Variants in STAG3 observed in about 807,000 individuals in gnomAD.
STAG3 encodes the protein cohesin subunit SA-3.
Under a neutral mutation model 160.7 loss-of-function variants are expected in STAG3, and 101 were observed. The observed-to-expected ratio is 0.63, with a 90% CI of 0.54 to 0.74. The LOEUF (loss-of-function observed/expected upper bound fraction) is 0.74. Ranked by LOEUF, STAG3 falls within the 30% of genes least tolerant of loss-of-function variation. STAG3 has a pLI of 0.00. For synonymous variants in STAG3, 519 were observed against 585.0 expected, an observed-to-expected ratio of 0.89 and a Z score of 1.63; for missense variants, 1,188 against 1,517.4, an observed-to-expected ratio of 0.78 and a Z score of 3.61.
In STAG3 at chr7:100,197,704, T is replaced by A. The variant is rs929964482; in HGVS notation, c.1066-74T>A. Reference sequence around the variant, plus strand: ...TAGAATGAGGGATCGGAGAGGGGAGTCTGGAGGCTTAGTAGGGGCGAGTAG... The same window carrying A: ...TAGAATGAGGGATCGGAGAGGGGAGACTGGAGGCTTAGTAGGGGCGAGTAG... On this transcript the variant is annotated intron_variant, in intron 10 of 33. Transcript: ENST00000615138. 23 of 1,186,296 alleles carry A rather than the reference T, an allele frequency of 1.9e-5. No individual in the cohort carries two copies. In the Admixed American group the frequency reaches 3.9e-4, roughly 20 times the overall value. The allele number at this position is 1,186,296 out of a possible 1,614,324, so 73.5% of individuals were successfully genotyped here. A position where few individuals can be genotyped will look rare whatever the true frequency, so the allele number is the denominator to read the frequency against.
intron 3 of STAG3, 57 bp from the exon 4 acceptor site, chr7:100,182,666 G>A: frequency 4.4e-6 from 7 of 1,589,360 alleles, no homozygotes; most frequent in Non-Finnish European, 4.3e-6. Context: ...AAGCGTTAAT[G>A]TCACTGTTAC....
intron 32 of STAG3, 30 bp downstream of exon 32, chr7:100,211,906 A>C: frequency 6.2e-7 from 1 of 1,605,184 alleles, no homozygotes; most frequent in Non-Finnish European, 8.5e-7. Context: ...CTTCTCTCTC[A>C]AGAACTAGGG....
At chr7:100,182,285 G>C in intron 3 of STAG3, 93 bp downstream of exon 3, 2 of 911,032 alleles carry the variant, frequency 2.2e-6, no homozygotes, top group Admixed American at 4.1e-5. Flanking sequence ...CGTGAACCCA[G>C]GGGGCAGAGC....
At chr7:100,205,501 TC>T (rs1442280435) in intron 29 of STAG3, 117 bp downstream of exon 29, 1 of 1,096,684 alleles carries the variant, frequency 9.1e-7, no homozygotes, top group Non-Finnish European at 1.3e-6. Context: ...TTAATTTCTT[TC>T]AAGGTTTATC....
intron 1 of STAG3, among the ~76,000 whole-genome samples, chr7:100,178,551 G>T (rs1799423189): frequency 6.7e-6 from 1 of 149,270 alleles, no homozygotes; most frequent in Non-Finnish European, 1.5e-5. Context: ...GTCTGAAGCT[G>T]CCCTGCTGTC....
rs188438097 is a variant in STAG3 at position 100,193,331 on chromosome 7, C to T, written c.868-1978C>T. Among the ~76,000 whole-genome samples the T allele has an allele frequency of 3.2e-3, 487 of 152,328 alleles. 2 individuals carry two copies. The highest frequency in any genetic ancestry group is 0.011 in the African/African-American group (467 of 41,566). On this transcript the variant is annotated intron_variant, in intron 8 of 33. Transcript: ENST00000615138. ...ATTGGCTTCAACTTAAAGTCAGCAA[C>T]TGCATTAGCCCCTAACGAGGAGTCA...
rs764202454 is a variant in STAG3, at chr7:100,200,360, A to G, written c.1770+32A>G. On this transcript the variant is annotated intron_variant, in intron 17 of 33. Coordinates refer to ENST00000615138, the MANE Select transcript of STAG3 (RefSeq NM_001282717.2). ...CTGCCCCTCCACTCTGCATCACACC[A>G]AGAGAAGTGAAAGGAAATGGCCTCT... The G allele has an allele frequency of 4.3e-6, 7 of 1,613,110 alleles. No individual in the cohort carries two copies. In the South Asian group the frequency reaches 5.5e-5, roughly 13 times the overall value.
intron 4 of STAG3, among the ~76,000 whole-genome samples, chr7:100,184,118 T>C (rs924700194): frequency 1.3e-5 from 2 of 152,108 alleles, no homozygotes; most frequent in African/African-American, 4.8e-5. Flanking sequence ...ATACAAAAAT[T>C]AGCTGCATGT....
chr7:100,211,015 T>C lies in STAG3; in HGVS notation c.3243T>C (p.Pro1081=). The change falls in exon 30 of 34, where the codon CCT becomes CCC. Residue 1081 remains proline, a synonymous_variant. Transcript: ENST00000615138. ...PSSKRRRVEG[P]AKPNREDVSS... ...ATGTATGCATCTGCTTGGCAGGGCCTGCCAAGCCTAACAGAGAGGACGTCT... is the reference window on the plus strand; with the variant it reads ...ATGTATGCATCTGCTTGGCAGGGCCCGCCAAGCCTAACAGAGAGGACGTCT... The C allele has an allele frequency of 6.2e-7, 1 of 1,613,056 alleles. No homozygotes were observed. The highest frequency in any genetic ancestry group is 8.5e-7 in the Non-Finnish European group (1 of 1,179,688).
chr7:100,206,637 A>G (rs1801682276), intron 29 of STAG3, among the ~76,000 whole-genome samples: 1 of 151,568 alleles, frequency 6.6e-6, no homozygotes, highest in Non-Finnish European at 1.5e-5. Flanking sequence ...ACCCCCAGCC[A>G]ATTTTTGTAT....
At chr7:100,202,065 C>G in intron 23 of STAG3, 24 bp downstream of exon 23, 1 of 1,613,580 alleles carries the variant, frequency 6.2e-7, no homozygotes. Context: ...CAAGTGGGAG[C>G]AACAAGGCGA....
chr7:100,180,739 C>T, intron 2 of STAG3, 67 bp downstream of exon 2: 1 of 974,814 alleles, frequency 1.0e-6, no homozygotes, highest in Non-Finnish European at 1.7e-6. Flanking sequence ...CGTTTTCCCA[C>T]ATTGATGATA....
intron 32 of STAG3, chr7:100,213,259 G>A (rs1802430193): frequency 3.0e-6 from 3 of 999,818 alleles, no homozygotes; most frequent in Non-Finnish European, 3.6e-6. Flanking sequence ...GCATCACACT[G>A]GGGGAAGGAT....
At position 100,179,143 on chromosome 7, in the gene STAG3, C is replaced by CTTT. The variant is rs34870349; in HGVS notation, c.-65+1153_-65+1155dup. On this transcript the variant is annotated intron_variant, in intron 1 of 33. Coordinates refer to ENST00000615138, the MANE Select transcript of STAG3 (RefSeq NM_001282717.2). ...GTTTGAGCCACCCTGGGCACCTTGC[C>CTTT]TTTTTTTTTTTTTTTTTAATTATGA... Among the ~76,000 whole-genome samples, 3 of 127,060 alleles carry CTTT rather than the reference C, an allele frequency of 2.4e-5. 1 individual carries two copies. In the East Asian group the frequency reaches 6.7e-4, roughly 28 times the overall value. The allele number at this position is 127,060 out of a possible 152,430, so 83.4% of individuals were successfully genotyped here.
intron 10 of STAG3, 125 bp from the exon 11 acceptor site, chr7:100,197,653 G>T (rs1800773870): frequency 1.2e-6 from 1 of 806,004 alleles, no homozygotes; most frequent in Admixed American, 1.9e-5. Context: ...CATCTTAAGA[G>T]TCCTCAGTAG....
rs749407201 is a variant in STAG3 at position 100,200,999 on chromosome 7, C to T, written c.2061+30C>T. The T allele has an allele frequency of 1.9e-6, 3 of 1,613,894 alleles. No homozygotes were observed. The African/African-American group carries it at 4.0e-5, about 22-fold the overall frequency. On this transcript the variant is annotated intron_variant, in intron 19 of 33. Coordinates refer to ENST00000615138, the MANE Select transcript of STAG3 (RefSeq NM_001282717.2). ...GAGCTGGGGCTGGACAATGGGACAC[C>T]CCAAACAAGGGTGGGAGGGGCTGCA...
chr7:100,198,332 A>G (rs528268006), intron 12 of STAG3, 143 bp from the exon 13 acceptor site: 10 of 1,108,844 alleles, frequency 9.0e-6, no homozygotes, highest in Non-Finnish European at 8.3e-6. Flanking sequence ...CTAACTCCCC[A>G]TACTCCTTTG....
intron 32 of STAG3, 149 bp downstream of exon 32, chr7:100,212,025 GTTTGGAC>G: frequency 1.5e-6 from 1 of 656,852 alleles, no homozygotes; most frequent in Non-Finnish European, 2.5e-6. Context: ...TTATATGTTG[GTTTGGAC>G]TTTGCTTGGA....
chr7:100,211,133 G>A lies in STAG3; in HGVS notation c.3361G>A (p.Gly1121Arg). 1 of 1,607,058 alleles carries A rather than the reference G, an allele frequency of 6.2e-7. No individual in the cohort carries two copies. The highest frequency in any genetic ancestry group is 8.5e-7 in the Non-Finnish European group (1 of 1,177,048). ...TAVKSRQPLW[G>R]LKEMEEEDGS... ...TGTGAAGAGCAGGCAGCCCCTGTGG[G>A]GGTTGAAAGAGATGGAGGAAGAAGA... The change falls in exon 30 of 34, where the codon GGG becomes AGG. Residue 1121 changes from glycine (G) to arginine (R), a missense_variant. This residue lies in a region of STAG3 where 647 missense variants were observed against 717.2 expected (regional missense o/e 0.90). Coordinates refer to ENST00000615138, the MANE Select transcript of STAG3 (RefSeq NM_001282717.2).
Sources: allele counts gnomAD v4.1 joint callset (sites outside exome capture counted in the v4.1 genomes callset), GRCh38; gene constraint gnomAD v4.1.1; regional missense constraint gnomAD v4.1.1; transcripts MANE v1.5; gene names NCBI Gene and HGNC (gene_info 2026-07-23, HGNC 2026-07-21).